The following ZNF423 variants were observed in gnomAD, a reference collection of about 807,000 sequenced individuals.
ZNF423 encodes the protein Ebf-associated zinc finger protein.
ZNF423 carries 12 observed loss-of-function variants against 95.8 expected under a neutral mutation model. The ratio of observed to expected loss-of-function variants is 0.13; its 90% CI spans 0.08 to 0.20. The LOEUF (loss-of-function observed/expected upper bound fraction) is 0.20. Ranked by LOEUF, ZNF423 falls within the 10% of genes least tolerant of loss-of-function variation. The probability of loss-of-function intolerance (pLI) is 1.00; values close to 1 mark genes in which losing one functional copy is unlikely to be tolerated. For synonymous variants in ZNF423, 749 were observed against 711.9 expected (o/e 1.05, Z -0.83); for missense variants, 1,316 against 1,737.1 (o/e 0.76, Z 4.31).
At chr16:49,513,632 G>C (rs1048752537) in intron 7 of ZNF423, among the ~76,000 whole-genome samples, 1 of 135,208 alleles carries the variant, frequency 7.4e-6, no homozygotes, top group African/African-American at 2.9e-5. Flanking sequence ...AACACATATG[G>C]GGATGGATGG....
chr16:49,566,067 G>C (rs1970177389), intron 5 of ZNF423, among the ~76,000 whole-genome samples: 1 of 152,084 alleles, frequency 6.6e-6, no homozygotes, highest in South Asian at 2.1e-4. Context: ...TCAGTGGTAG[G>C]AGGCCTGGTC....
upstream of ZNF423, among the ~76,000 whole-genome samples, chr16:49,856,590 C>T (rs1229582944): frequency 6.6e-6 from 1 of 151,582 alleles, no homozygotes; most frequent in African/African-American, 2.4e-5. Flanking sequence ...TCGAAACGGC[C>T]GCAGTGGCTC....
intron 5 of ZNF423, among the ~76,000 whole-genome samples, chr16:49,545,523 G>T (rs529177738): frequency 1.3e-5 from 2 of 152,152 alleles, no homozygotes; most frequent in African/African-American, 4.8e-5. Flanking sequence ...GCCAGCCAGG[G>T]TGACCCCCCA....
chr16:49,764,573 C>T (rs1268809416), intron 2 of ZNF423: 1 of 151,770 alleles, frequency 6.6e-6, no homozygotes, highest in Non-Finnish European at 1.5e-5. Context: ...GGACATTCGA[C>T]ATCAGCGGTG....
chr16:49,571,082 A>G (rs1970340223), intron 5 of ZNF423, among the ~76,000 whole-genome samples: 1 of 152,236 alleles, frequency 6.6e-6, no homozygotes, highest in Non-Finnish European at 1.5e-5. Context: ...TTTTCCAACA[A>G]GGTGCTGAGC....
intron 1 of ZNF423, among the ~76,000 whole-genome samples, chr16:49,845,497 AAC>A (rs1322376179): frequency 3.3e-5 from 5 of 151,142 alleles, no homozygotes; most frequent in Non-Finnish European, 5.9e-5. Context: ...GCACCGGGAC[AAC>A]AGTTCTGAGC....
chr16:49,808,100 C>CA (rs1367614683), intron 1 of ZNF423, among the ~76,000 whole-genome samples: 2 of 151,772 alleles, frequency 1.3e-5, no homozygotes, highest in Non-Finnish European at 2.9e-5. Flanking sequence ...CTTGCTCTGT[C>CA]ACCAAGGCTG....
At chr16:49,788,091 C>T (rs2034347778) in intron 2 of ZNF423, among the ~76,000 whole-genome samples, 1 of 152,238 alleles carries the variant, frequency 6.6e-6, no homozygotes, top group South Asian at 2.1e-4. Context: ...CTGTCCTAGT[C>T]CTGGACCCTC....
At position 49,638,634 on chromosome 16, in the gene ZNF423, C is replaced by T. The variant is rs771626242; in HGVS notation, c.542G>A (p.Arg181His). 6 of 1,613,742 alleles carry T rather than the reference C, an allele frequency of 3.7e-6. No individual in the cohort carries two copies. The highest frequency in any genetic ancestry group is 3.3e-5 in the Admixed American group (2 of 59,986). ...ACGGCTCCTCTTGTGCTTGAAGAGG[C>T]GGCTGCAGTAGGTGCACTTGAACGG... ...KLPFKCTYCS[R>H]LFKHKRSRDR... Residue 181 changes from arginine (R) to histidine (H), a missense_variant, in exon 4 of 8, where the codon CGC becomes CAC. Arg to His is a conservative substitution (Grantham distance 29, BLOSUM62 0). Transcript: ENST00000563137. The surrounding 1 kb of genome is among the most constrained non-coding windows in gnomAD (Gnocchi z 5.6).
intron 3 of ZNF423, among the ~76,000 whole-genome samples, chr16:49,653,311 CAAAAA>C (rs5816652): frequency 1.0e-5 from 1 of 99,200 alleles, no homozygotes; most frequent in Non-Finnish European, 1.9e-5. Flanking sequence ...CAAGAACCAC[CAAAAA>C]AAAAAAAAAA....
At chr16:49,542,091 C>T (rs896097958) in intron 5 of ZNF423, among the ~76,000 whole-genome samples, 1 of 152,178 alleles carries the variant, frequency 6.6e-6, no homozygotes, top group African/African-American at 2.4e-5. Flanking sequence ...AATGGTTGGA[C>T]CAGAGAGCTC....
intron 5 of ZNF423, among the ~76,000 whole-genome samples, chr16:49,572,817 G>A (rs986439595): frequency 1.5e-4 from 23 of 152,192 alleles, no homozygotes; most frequent in African/African-American, 5.5e-4. Flanking sequence ...TGGGAGGAAT[G>A]GAAGAGCAGG....
chr16:49,559,270 C>G (rs1041981567), intron 5 of ZNF423, among the ~76,000 whole-genome samples: 3 of 152,246 alleles, frequency 2.0e-5, no homozygotes, highest in African/African-American at 7.2e-5. Flanking sequence ...TTGTACTTTC[C>G]TACTCAGTAC....
At chr16:49,567,559 G>A (rs1438066961) in intron 5 of ZNF423, among the ~76,000 whole-genome samples, 1 of 152,026 alleles carries the variant, frequency 6.6e-6, no homozygotes, top group East Asian at 1.9e-4. Context: ...ACCAGGAATC[G>A]GACAACAAGC....
chr16:49,784,020 G>A (rs2034268900), intron 2 of ZNF423, among the ~76,000 whole-genome samples: 1 of 151,086 alleles, frequency 6.6e-6, no homozygotes, highest in South Asian at 2.1e-4. Context: ...TCCAGAATGA[G>A]ATACCTTCAT....
At chr16:49,690,721 G>T (rs552247614) in intron 3 of ZNF423, among the ~76,000 whole-genome samples, 25 of 152,304 alleles carry the variant, frequency 1.6e-4, no homozygotes, top group African/African-American at 6.0e-4. Flanking sequence ...ATCCATGCCC[G>T]ACAGGCGGTG....
In ZNF423 at chr16:49,794,251, T is replaced by A. The variant is rs532264651; in HGVS notation, c.41-4705A>T. On this transcript the variant is annotated intron_variant, in intron 1 of 7. Transcript: ENST00000563137. ...TTTTGTTTTTGTTTTTTTTTTTTTGTGGAGACAGGTTTTTGCCATGTTGCC... is the reference window on the plus strand; with the variant it reads ...TTTTGTTTTTGTTTTTTTTTTTTTGAGGAGACAGGTTTTTGCCATGTTGCC... 2.3e-5 allele frequency among the ~76,000 whole-genome samples: 3 copies of A among 130,172 alleles called. No homozygotes were observed. In the East Asian group the frequency reaches 6.8e-4, roughly 29 times the overall value. The allele number at this position is 130,172 out of a possible 152,430, so 85.4% of individuals were successfully genotyped here. A position where few individuals can be genotyped will look rare whatever the true frequency, so the allele number is the denominator to read the frequency against.
intron 1 of ZNF423, among the ~76,000 whole-genome samples, chr16:49,829,423 A>G (rs958568930): frequency 1.3e-5 from 2 of 152,210 alleles, no homozygotes; most frequent in African/African-American, 4.8e-5. Flanking sequence ...ACACCACTGC[A>G]TTCCAGCATG....
intron 5 of ZNF423, among the ~76,000 whole-genome samples, chr16:49,578,507 G>A (rs957266806): frequency 2.0e-5 from 3 of 152,120 alleles, no homozygotes. Context: ...GTGGGCCGCG[G>A]GAGCCTCCCG....
Sources: allele counts gnomAD v4.1 joint callset (sites outside exome capture counted in the v4.1 genomes callset), GRCh38; gene constraint gnomAD v4.1.1; non-coding constraint Gnocchi (gnomAD v3.1); transcripts MANE v1.5; gene names NCBI Gene and HGNC (gene_info 2026-07-23, HGNC 2026-07-21).